The following ANKS1B variants were observed in gnomAD, a reference collection of about 807,000 sequenced individuals.
The protein encoded by ANKS1B is ankyrin repeat and sterile alpha motif domain containing 1B.
A neutral mutation model predicts 148.3 loss-of-function variants in ANKS1B; 36 were observed. That is an observed-to-expected ratio of 0.24 (90% CI 0.19 to 0.32). ANKS1B has a LOEUF of 0.32. Among genes scored for constraint, ANKS1B ranks in the 10% least tolerant of loss-of-function variants. The pLI is 1.00. For synonymous variants in ANKS1B, 542 were observed against 560.8 expected (o/e 0.97, Z 0.47); for missense variants, 1,157 against 1,542.6 (o/e 0.75, Z 4.19).
intron 14 of ANKS1B, among the ~76,000 whole-genome samples, chr12:99,203,875 T>A (rs1039730528): frequency 1.2e-4 from 18 of 152,202 alleles, no homozygotes; most frequent in Admixed American, 9.2e-4. Context: ...CTGTTTACAA[T>A]CTGAAGTCAG....
chr12:99,463,549 T>G (rs1473414670), intron 10 of ANKS1B, among the ~76,000 whole-genome samples: 1 of 151,956 alleles, frequency 6.6e-6, no homozygotes, highest in African/African-American at 2.4e-5. Context: ...AAGAAAGGGG[T>G]GACAGATGGC....
intron 15 of ANKS1B, among the ~76,000 whole-genome samples, chr12:99,133,090 C>T (rs1260515830): frequency 7.3e-6 from 1 of 136,600 alleles, no homozygotes; most frequent in African/African-American, 2.8e-5. Context: ...ATTGCTCTGT[C>T]GCCCAGGCTG....
chr12:99,632,768 T>TATATATATATATATATA (rs1282777183), intron 9 of ANKS1B, among the ~76,000 whole-genome samples: 1 of 100,430 alleles, frequency 1.0e-5, no homozygotes, highest in Non-Finnish European at 2.1e-5. Flanking sequence ...TATATATATA[T>TATATATATATATATATA]TTTAATTATA....
At chr12:99,215,131 G>C (rs1281680613) in intron 14 of ANKS1B, among the ~76,000 whole-genome samples, 1 of 152,212 alleles carries the variant, frequency 6.6e-6, no homozygotes, top group Non-Finnish European at 1.5e-5. Context: ...AGGGAAGCAG[G>C]CTATTGCTTC....
At chr12:99,250,758 G>A (rs1328076114) in intron 12 of ANKS1B, among the ~76,000 whole-genome samples, 1 of 152,154 alleles carries the variant, frequency 6.6e-6, no homozygotes, top group Non-Finnish European at 1.5e-5. Flanking sequence ...TTCTGGCAAT[G>A]TTTATATTTC....
intron 1 of ANKS1B, among the ~76,000 whole-genome samples, chr12:99,946,981 A>T (rs938832379): frequency 3.3e-5 from 5 of 151,184 alleles, no homozygotes; most frequent in Non-Finnish European, 5.9e-5. Flanking sequence ...GTTAGGAAGC[A>T]CTACTGGGGC....
chr12:98,817,865 C>T (rs2153652449), intron 19 of ANKS1B, among the ~76,000 whole-genome samples: 1 of 152,248 alleles, frequency 6.6e-6, no homozygotes. Flanking sequence ...TTCCCCTGTG[C>T]CTGTGGGGAG....
chr12:99,438,773 G>A (rs1358861718), intron 11 of ANKS1B, among the ~76,000 whole-genome samples: 1 of 151,860 alleles, frequency 6.6e-6, no homozygotes, highest in Non-Finnish European at 1.5e-5. Flanking sequence ...TGTAGTTAAT[G>A]TTGAAACACT....
intron 25 of ANKS1B, among the ~76,000 whole-genome samples, chr12:98,761,285 T>A (rs2098400388): frequency 6.6e-6 from 1 of 152,240 alleles, no homozygotes; most frequent in Admixed American, 6.5e-5. Flanking sequence ...ACTGTACAAA[T>A]GTTGGTGAAG....
At chr12:99,366,030 T>G (rs895932473) in intron 12 of ANKS1B, among the ~76,000 whole-genome samples, 2 of 152,240 alleles carry the variant, frequency 1.3e-5, no homozygotes, top group East Asian at 3.8e-4. Flanking sequence ...CTGGATCTAT[T>G]TGCCCTAAGA....
chr12:98,894,850 C>T, intron 17 of ANKS1B: 6 of 980,880 alleles, frequency 6.1e-6, no homozygotes, highest in Non-Finnish European at 7.2e-6. Context: ...GCGCCGAGCG[C>T]CGGGCTCTCC....
chr12:98,851,229 G>A (rs1376610896), intron 17 of ANKS1B, among the ~76,000 whole-genome samples: 1 of 152,198 alleles, frequency 6.6e-6, no homozygotes, highest in Non-Finnish European at 1.5e-5. Flanking sequence ...CATACTTATT[G>A]CTTTGAGAAG....
At chr12:99,170,597 G>A (rs193262997) in intron 14 of ANKS1B, among the ~76,000 whole-genome samples, 166 of 152,146 alleles carry the variant, frequency 1.1e-3, no homozygotes, top group Admixed American at 1.8e-3. Flanking sequence ...TCAGTCCCTC[G>A]ACCAAGAGAC....
At chr12:99,621,893 G>C (rs992743654) in intron 9 of ANKS1B, among the ~76,000 whole-genome samples, 2 of 151,852 alleles carry the variant, frequency 1.3e-5, no homozygotes, top group Non-Finnish European at 2.9e-5. Flanking sequence ...TTTGACACTT[G>C]ACTAATTGGA....
At chr12:99,003,997 T>C (rs1189264151) in intron 17 of ANKS1B, among the ~76,000 whole-genome samples, 1 of 152,222 alleles carries the variant, frequency 6.6e-6, no homozygotes. Flanking sequence ...GGAAAGGCTT[T>C]GAATTCCTGC....
intron 11 of ANKS1B, among the ~76,000 whole-genome samples, chr12:99,418,719 G>C (rs1567063654): frequency 6.6e-6 from 1 of 152,148 alleles, no homozygotes; most frequent in East Asian, 1.9e-4. Context: ...TCCTTGCTTT[G>C]TTCCTAATCT....
intron 10 of ANKS1B, among the ~76,000 whole-genome samples, chr12:99,483,737 T>C (rs996485854): frequency 6.6e-6 from 1 of 152,138 alleles, no homozygotes; most frequent in Admixed American, 6.6e-5. Context: ...GAGTGGTGTA[T>C]GTTTCCAGGA....
chr12:99,503,634 C>T (rs1275406243), intron 10 of ANKS1B, among the ~76,000 whole-genome samples: 4 of 152,080 alleles, frequency 2.6e-5, no homozygotes, highest in South Asian at 2.1e-4. Flanking sequence ...AAGAGTCATC[C>T]GTACTCTCTA....
At chr12:99,017,276 T>A (rs1176322106) in intron 17 of ANKS1B, among the ~76,000 whole-genome samples, 1 of 152,136 alleles carries the variant, frequency 6.6e-6, no homozygotes, top group African/African-American at 2.4e-5. Flanking sequence ...AAAACAAAGA[T>A]GATAATAGCC....
Sources: gnomAD v4.1 joint callset for allele counts (sites outside exome capture counted in the v4.1 genomes callset) on GRCh38, gnomAD v4.1.1 for gene constraint, MANE v1.5 for transcripts, NCBI Gene and HGNC (gene_info 2026-07-23, HGNC 2026-07-21) for gene names.